TTN: variants seen among roughly 807,000 people sequenced by gnomAD.
The protein encoded by TTN is titin, also known as connectin.
In TTN, 1,525 loss-of-function variants were observed where a neutral mutation model predicts 3,223.0. That is an observed-to-expected ratio of 0.47 (90% CI 0.45 to 0.49). The LOEUF (loss-of-function observed/expected upper bound fraction) is 0.49, where lower values mean the gene tolerates loss of function less well. Ranked by LOEUF, TTN falls within the 20% of genes least tolerant of loss-of-function variation. TTN has a pLI of 0.00. For missense variants in TTN, 40,786 were observed against 43,424.0 expected, an observed-to-expected ratio of 0.94 and a Z score of 5.40; for synonymous variants, 14,094 against 15,161.0, an observed-to-expected ratio of 0.93 and a Z score of 5.17.
chr2:178,679,511 C>T (rs182499864), intron 141 of TTN, 88 bp downstream of exon 141: 60 of 1,585,702 alleles, frequency 3.8e-5, no homozygotes, highest in Middle Eastern at 3.3e-4. Context: ...GACAGTGACA[C>T]ACACACAAGG....
In TTN at chr2:178,580,526, C is replaced by T; in HGVS notation, c.66853G>A (p.Val22285Ile). 6.2e-7 allele frequency: 1 copy of T among 1,612,844 alleles called. No individual in the cohort carries two copies. Among genetic ancestry groups the T allele is most frequent in the Non-Finnish European group, 8.5e-7 (1 of 1,179,310 alleles). The change falls in exon 317 of 363, where the codon GTA (valine) becomes ATA (isoleucine). Residue 22285 changes from valine (V) to isoleucine (I), a missense_variant. Transcript: ENST00000589042. ...ATCTTTGGAGGTGGGCGTCCTTTTA[C>T]TGGTACATATAGTCTCATAGTAACT... Reference protein sequence around the residue: ...AGVTMRLYVPVKGRPPPKITW... With the variant: ...AGVTMRLYVPIKGRPPPKITW...
intron 265 of TTN, 81 bp from the exon 266 acceptor site, chr2:178,612,657 G>A: frequency 1.9e-6 from 3 of 1,540,866 alleles, no homozygotes; most frequent in Admixed American, 2.3e-5. Flanking sequence ...CAGTCATTAA[G>A]AAGTAATGTA....
intron 253 of TTN, 128 bp from the exon 254 acceptor site, chr2:178,617,640 C>G (rs1282465797): frequency 2.9e-6 from 4 of 1,395,226 alleles, no homozygotes; most frequent in Non-Finnish European, 3.9e-6. Context: ...TAGGCACAGT[C>G]TGGGTTTCTA....
chr2:178,715,815 C>G, intron 88 of TTN, 41 bp from the exon 89 acceptor site: 2 of 1,519,190 alleles, frequency 1.3e-6, no homozygotes, highest in Non-Finnish European at 1.8e-6. Context: ...AGGGATGGAA[C>G]AGATGCATAT....
At position 178,581,761 on chromosome 2, in the gene TTN, A is replaced by G. The variant is rs765534188; in HGVS notation, c.66507T>C (p.Thr22169=). ...CCCAAGATAGACTCACAGAGCTGCG[A>G]GTTGTATCATATACTTTAGGGAAAG... ...PPAFPKVYDT[T]RSSVSLSWGK... The change falls in exon 316 of 363, where the codon ACT becomes ACC. Residue 22169 remains threonine (T), a synonymous_variant. Transcript: ENST00000589042. 1 of 1,605,896 alleles carries G rather than the reference A, an allele frequency of 6.2e-7. No individual in the cohort carries two copies. The highest frequency in any genetic ancestry group is 1.1e-5 in the South Asian group (1 of 90,172).
intron 72 of TTN, 41 bp from the exon 73 acceptor site, chr2:178,724,184 A>AATAGAAG (rs2078938334): frequency 6.3e-7 from 1 of 1,585,312 alleles, no homozygotes; most frequent in Admixed American, 1.8e-5. Context: ...GATTTGAAAG[A>AATAGAAG]ATAGAAGAGA....
chr2:178,570,842 G>T lies in TTN; in HGVS notation c.75290C>A (p.Thr25097Lys). The change falls in exon 326 of 363, where the codon ACA becomes AAA. Residue 25097 changes from threonine (T) to lysine (K), a missense_variant. Transcript: ENST00000589042. The stretch of plus-strand genomic sequence containing the variant: ...CTCATCTCTAGCTGTTATTGCTCCT[G>T]TGCTTTCTGAAGGCTCACTAAACAC... ...AGVFSEPSES[T>K]GAITARDEVD... 1 of 1,613,512 alleles carries T rather than the reference G, an allele frequency of 6.2e-7. No homozygotes were observed. The highest frequency in any genetic ancestry group is 8.5e-7 in the Non-Finnish European group (1 of 1,179,628).
chr2:178,744,428 T>C (rs1296894951), intron 47 of TTN: 4 of 970,702 alleles, frequency 4.1e-6, no homozygotes, highest in East Asian at 2.3e-4. Flanking sequence ...TCGAGTCTTA[T>C]ATGAGAAGAC....
At position 178,728,128 on chromosome 2, in the gene TTN, C is replaced by T. The variant is rs774723988; in HGVS notation, c.19696G>A (p.Gly6566Ser). The T allele has an allele frequency of 5.7e-6, 9 of 1,588,012 alleles. No individual in the cohort carries two copies. The highest frequency in any genetic ancestry group is 7.7e-6 in the Non-Finnish European group (9 of 1,166,580). The change falls in exon 67 of 363, where the codon GGC (glycine) becomes AGC (serine). Residue 6566 changes from glycine (G) to serine (S), a missense_variant. Physicochemically the swap from Gly to Ser is moderately conservative, Grantham distance 56. Coordinates refer to ENST00000589042, the MANE Select transcript of TTN (RefSeq NM_001267550.2). ...TTCTAACCTTTCACAGTTAAGATGC[C>T]ACTGCATGCATCATCTCCTGCTACA... ...SNVAGDDACSGILTVKEPPSF... is the reference protein window; with the variant it reads ...SNVAGDDACSSILTVKEPPSF...
intron 4 of TTN, 78 bp from the exon 5 acceptor site, chr2:178,799,988 C>A: frequency 6.7e-7 from 1 of 1,491,804 alleles, no homozygotes; most frequent in Admixed American, 1.8e-5. Context: ...ATTCTGACTA[C>A]AAAGTCAAAA....
chr2:178,802,077 C>T, intron 3 of TTN, 61 bp downstream of exon 3: 1 of 1,607,162 alleles, frequency 6.2e-7, no homozygotes, highest in Non-Finnish European at 8.5e-7. Context: ...GGACTCCTTT[C>T]CCAATTTGCT....
Position 178,730,694 on chromosome 2 carries a change from G to C in TTN, c.17839C>G (p.Pro5947Ala). 6.2e-7 allele frequency: 1 copy of C among 1,613,568 alleles called. No homozygotes were observed. The highest frequency in any genetic ancestry group is 8.5e-7 in the Non-Finnish European group (1 of 1,179,694). ...DLECIVAGSH[P>A]ISIQWFKDDQ... ...TCTTTGAACCACTGGATGCTTATGG[G>C]ATGTGACCCAGCCACTATACATTCT... The change falls in exon 61 of 363, where the codon CCC becomes GCC. Residue 5947 changes from proline (P) to alanine (A), a missense_variant. By Grantham distance (27) the Pro-to-Ala change is conservative. Transcript: ENST00000589042.
chr2:178,672,480 C>G lies in TTN; in HGVS notation c.34857G>C (p.Val11619=), dbSNP rs1291605092. ...CTGGGACTTTCTTTGGTACTTCAGG[C>G]ACTTTAAAGATACAGTTTTAATATT... is the stretch of plus-strand genomic sequence containing the variant. The part of the protein sequence containing the change: ...VQKKEAPPAK[V]PEVPKKVPEK... Residue 11619 remains valine, a splice_region_variant and synonymous_variant, in exon 154 of 363, where the codon GTG becomes GTC. Coordinates refer to ENST00000589042, the MANE Select transcript of TTN (RefSeq NM_001267550.2). 1 of 1,599,048 alleles carries G rather than the reference C, an allele frequency of 6.3e-7. No homozygotes were observed.
At position 178,547,988 on chromosome 2, in the gene TTN, G is replaced by A. The variant is rs761655024; in HGVS notation, c.93638C>T (p.Pro31213Leu). The A allele has an allele frequency of 1.2e-6, 2 of 1,613,594 alleles. No individual in the cohort carries two copies. The highest frequency in any genetic ancestry group is 2.2e-5 in the South Asian group (2 of 91,080). The change falls in exon 339 of 363, where the codon CCC becomes CTC. Residue 31213 changes from proline to leucine, a missense_variant. Pro to Leu is a moderately conservative substitution (Grantham distance 98). Transcript: ENST00000589042. ...GGTAATTCCAGTGAGGTCAGCAGTG[G>A]GCTCGATTTGAGGCTCCTTAATGAT... The part of the protein sequence containing the change: ...SVIIKEPQIE[P>L]TADLTGITNQ...
Position 178,545,677 on chromosome 2 carries a change from G to A in TTN, c.95433C>T (p.Pro31811=), listed in dbSNP as rs780805481. ...ARNSFTIPSP[P]GIPEEVGTGK... ...CAGTCCCAACTTCTTCAGGTATGCCGGGTGGTGATGGAATAGCTGTTTATG... is the reference window on the plus strand; with the variant it reads ...CAGTCCCAACTTCTTCAGGTATGCCAGGTGGTGATGGAATAGCTGTTTATG... The change falls in exon 344 of 363, where the codon CCC becomes CCT. Residue 31811 remains proline, a synonymous_variant. Transcript: ENST00000589042. 20 of 1,612,946 alleles carry A rather than the reference G, an allele frequency of 1.2e-5. No individual in the cohort carries two copies. Among genetic ancestry groups the A allele is most frequent in the Non-Finnish European group, 1.5e-5 (18 of 1,179,194 alleles).
Position 178,775,458 on chromosome 2 carries a change from A to G in TTN, c.6406T>C (p.Leu2136=), listed in dbSNP as rs765377738. 6.8e-6 allele frequency: 11 copies of G among 1,613,890 alleles called. No individual in the cohort carries two copies. The Admixed American group carries it at 1.5e-4, about 22-fold the overall frequency. The change falls in exon 28 of 363, where the codon TTG becomes CTG. Residue 2136 remains leucine (L), a synonymous_variant. Transcript: ENST00000589042. ...WYWPEDNVCE[L]VIRDVTAEDS... ...TCAGCAGTCACATCTCTTATGACCAATTCACAAACATTGTCTTCGGGCCAG... is the reference window on the plus strand; with the variant it reads ...TCAGCAGTCACATCTCTTATGACCAGTTCACAAACATTGTCTTCGGGCCAG...
intron 145 of TTN, 43 bp from the exon 146 acceptor site, chr2:178,677,960 T>C: frequency 6.4e-7 from 1 of 1,566,782 alleles, no homozygotes; most frequent in Non-Finnish European, 8.6e-7. Flanking sequence ...CACTTTTATG[T>C]AAAATATTCA....
In TTN at chr2:178,692,113, A is replaced by G; in HGVS notation, c.31679-14T>C. 1.2e-6 allele frequency: 2 copies of G among 1,608,360 alleles called. No homozygotes were observed. Among genetic ancestry groups the G allele is most frequent in the Non-Finnish European group, 8.5e-7 (1 of 1,175,346 alleles). ...GAACCTCAGGAACTTTAAAGATACA[A>G]TTGTTGAAATAATGTGGAATATTCT... On this transcript the variant is annotated splice_polypyrimidine_tract_variant and intron_variant, in intron 120 of 362. Coordinates refer to ENST00000589042, the MANE Select transcript of TTN (RefSeq NM_001267550.2).
At chr2:178,759,688 A>T (rs1336250560) in intron 43 of TTN, among the ~76,000 whole-genome samples, 1 of 152,224 alleles carries the variant, frequency 6.6e-6, no homozygotes, top group Non-Finnish European at 1.5e-5. Flanking sequence ...TGTAGAAAAA[A>T]AATCTCTATC....
Sources: allele counts gnomAD v4.1 joint callset (sites outside exome capture counted in the v4.1 genomes callset), GRCh38; gene constraint gnomAD v4.1.1; transcripts MANE v1.5; gene names NCBI Gene and HGNC (gene_info 2026-07-23, HGNC 2026-07-21).